Variants in COL5A2 observed in about 807,000 individuals in gnomAD.
COL5A2 encodes collagen alpha-2(V) chain.
In COL5A2, 23 loss-of-function variants were observed where a neutral mutation model predicts 208.2. The ratio of observed to expected loss-of-function variants is 0.11; its 90% CI spans 0.08 to 0.16. COL5A2 has a LOEUF of 0.16. Among genes scored for constraint, COL5A2 ranks in the 10% least tolerant of loss-of-function variants. The pLI is 1.00. For synonymous variants in COL5A2, 625 were observed against 628.5 expected, an observed-to-expected ratio of 0.99 and a Z score of 0.08; for missense variants, 1,590 against 1,956.4, an observed-to-expected ratio of 0.81 and a Z score of 3.53.
chr2:189,052,363 G>A (rs188694831), intron 40 of COL5A2, 138 bp from the exon 41 acceptor site: 115 of 823,036 alleles, frequency 1.4e-4, no homozygotes, highest in Admixed American at 4.5e-4. Flanking sequence ...TTTTTTCTTC[G>A]TACGAATCCC....
intron 16 of COL5A2, 78 bp downstream of exon 16, chr2:189,078,438 G>T: frequency 8.7e-7 from 1 of 1,155,180 alleles, no homozygotes; most frequent in Non-Finnish European, 1.3e-6. Flanking sequence ...TCATTTAAAA[G>T]GCAAGTTCAG....
intron 3 of COL5A2, among the ~76,000 whole-genome samples, chr2:189,101,623 T>A (rs745871024): frequency 2.0e-5 from 3 of 152,116 alleles, no homozygotes; most frequent in Non-Finnish European, 2.9e-5. Context: ...ATTGTACTAC[T>A]AAAGATACAA....
intron 1 of COL5A2, among the ~76,000 whole-genome samples, chr2:189,161,797 T>C (rs747172096): frequency 6.6e-6 from 1 of 152,202 alleles, no homozygotes; most frequent in Non-Finnish European, 1.5e-5. Context: ...ACATTTACAA[T>C]AAATGTTATT....
chr2:189,379,451 G>A, the COL5A2 span, among the ~76,000 whole-genome samples: 1 of 152,044 alleles, frequency 6.6e-6, no homozygotes, highest in African/African-American at 2.4e-5. Context: ...CTTAGGTGCT[G>A]ATTGCTAAAC....
intron 2 of COL5A2, 83 bp downstream of exon 2, chr2:189,110,142 T>G: frequency 9.6e-7 from 1 of 1,036,438 alleles, no homozygotes; most frequent in South Asian, 1.3e-5. Context: ...TCTCTTGAGT[T>G]GCTGAATGCT....
intron 33 of COL5A2, 84 bp from the exon 34 acceptor site, chr2:189,057,511 T>C: frequency 4.2e-6 from 4 of 962,458 alleles, no homozygotes; most frequent in Non-Finnish European, 6.8e-6. Flanking sequence ...TCAAAAGTAG[T>C]TGTCAGCAAT....
At chr2:189,130,920 A>T (rs1468122960) in intron 1 of COL5A2, among the ~76,000 whole-genome samples, 2 of 152,154 alleles carry the variant, frequency 1.3e-5, no homozygotes, top group Admixed American at 6.6e-5. Context: ...TAACAGACAG[A>T]AAAGATTTAG....
the COL5A2 span, among the ~76,000 whole-genome samples, chr2:189,314,225 T>C: frequency 6.6e-6 from 1 of 152,046 alleles, no homozygotes; most frequent in Non-Finnish European, 1.5e-5. Flanking sequence ...TCAAAAGACC[T>C]GAAATCATAA....
chr2:189,327,143 G>T, the COL5A2 span, among the ~76,000 whole-genome samples: 2 of 151,420 alleles, frequency 1.3e-5, no homozygotes, highest in African/African-American at 4.8e-5. Context: ...GAAAGCATAA[G>T]TAACACAATT....
intron 24 of COL5A2, 25 bp downstream of exon 24, chr2:189,064,979 A>G (rs760092839): frequency 2.8e-5 from 45 of 1,612,468 alleles, no homozygotes; most frequent in Non-Finnish European, 3.6e-5. Context: ...CCACGTAAGT[A>G]TCAACATTGA....
chr2:189,242,856 T>C, the COL5A2 span, among the ~76,000 whole-genome samples: 1 of 152,152 alleles, frequency 6.6e-6, no homozygotes, highest in African/African-American at 2.4e-5. Context: ...GATCTCTCAG[T>C]GCTCAGGAAC....
the COL5A2 span, among the ~76,000 whole-genome samples, chr2:189,335,275 A>T: frequency 6.6e-6 from 1 of 152,112 alleles, no homozygotes; most frequent in Admixed American, 6.5e-5. Flanking sequence ...GCAAATCACA[A>T]ACCACAATCA....
chr2:189,317,131 C>A, the COL5A2 span, among the ~76,000 whole-genome samples: 2 of 152,032 alleles, frequency 1.3e-5, no homozygotes, highest in African/African-American at 4.8e-5. Flanking sequence ...CTTATGAAGT[C>A]ATTTCTATAG....
chr2:189,262,151 A>G, the COL5A2 span, among the ~76,000 whole-genome samples: 1 of 152,154 alleles, frequency 6.6e-6, no homozygotes, highest in Non-Finnish European at 1.5e-5. Context: ...ATAAGATTAC[A>G]TACAAATAAT....
chr2:189,420,921 A>G, the COL5A2 span, among the ~76,000 whole-genome samples: 1 of 152,188 alleles, frequency 6.6e-6, no homozygotes. Flanking sequence ...ACACGTAAAC[A>G]TTGTTCACTT....
the COL5A2 span, among the ~76,000 whole-genome samples, chr2:189,256,700 G>A: frequency 6.6e-6 from 1 of 152,130 alleles, no homozygotes; most frequent in Non-Finnish European, 1.5e-5. Flanking sequence ...TGCCCAGACT[G>A]GAGTGCAGTG....
At chr2:189,434,350 A>C in the COL5A2 span, among the ~76,000 whole-genome samples, 1 of 152,192 alleles carries the variant, frequency 6.6e-6, no homozygotes, top group Non-Finnish European at 1.5e-5. Flanking sequence ...CAAGAGAAAG[A>C]AATAAAGGGT....
Position 189,065,061 on chromosome 2 carries a change from C to G in COL5A2, c.1564-4G>C. 6.2e-7 allele frequency: 1 copy of G among 1,613,372 alleles called. No individual in the cohort carries two copies. Among genetic ancestry groups the G allele is most frequent in the Non-Finnish European group, 8.5e-7 (1 of 1,179,678 alleles). On this transcript the variant is annotated splice_region_variant and splice_polypyrimidine_tract_variant and intron_variant, in intron 23 of 53. Coordinates refer to ENST00000374866, the MANE Select transcript of COL5A2 (RefSeq NM_000393.5). ...AACCACGATTGCCAGGAGCACCCTA[C>G]AAATGACCAAAATGTGATTCTTAAT...
chr2:189,051,066 T>A (rs1685776435), intron 42 of COL5A2, among the ~76,000 whole-genome samples: 1 of 152,140 alleles, frequency 6.6e-6, no homozygotes, highest in Admixed American at 6.6e-5. Context: ...ATTTTTAAAG[T>A]TATTCATACA....
Sources: allele counts gnomAD v4.1 joint callset (sites outside exome capture counted in the v4.1 genomes callset), GRCh38; gene constraint gnomAD v4.1.1; transcripts MANE v1.5; gene names NCBI Gene and HGNC (gene_info 2026-07-23, HGNC 2026-07-21).